GGT1: variants seen among roughly 807,000 people sequenced by gnomAD.
The protein encoded by GGT1 is glutathione hydrolase 1 proenzyme.
Under a neutral mutation model 56.0 loss-of-function variants are expected in GGT1, and 21 were observed. The ratio of observed to expected loss-of-function variants is 0.38; its 90% CI spans 0.27 to 0.54. The LOEUF (loss-of-function observed/expected upper bound fraction) is 0.54. Ranked by LOEUF, GGT1 falls within the 20% of genes least tolerant of loss-of-function variation. The pLI, the probability that GGT1 is intolerant of heterozygous loss-of-function variation, is 0.82. For missense variants in GGT1, 466 were observed against 787.0 expected (o/e 0.59, Z 4.88); for synonymous variants, 238 against 342.6 (o/e 0.69, Z 3.37).
upstream of GGT1, among the ~76,000 whole-genome samples, chr22:24,601,382 G>C (rs974341829): frequency 3.3e-5 from 5 of 152,090 alleles, no homozygotes; most frequent in African/African-American, 1.2e-4. Context: ...CCTGTCAGTG[G>C]GGGTGGGGCT....
upstream of GGT1, chr22:24,592,431 A>AG (rs1253357211): frequency 2.1e-6 from 1 of 469,958 alleles, no homozygotes; most frequent in Non-Finnish European, 4.4e-6. Flanking sequence ...ATCCTGGAGG[A>AG]GGGGGAAGTT....
At chr22:24,626,373 A>C in intron 11 of GGT1, among the ~76,000 whole-genome samples, 3 of 99,534 alleles carry the variant, frequency 3.0e-5, no homozygotes, top group Admixed American at 1.1e-4. Flanking sequence ...CTCCTCCTTG[A>C]CCTCCTCATC....
chr22:24,593,883 T>C (rs545809323), upstream of GGT1, among the ~76,000 whole-genome samples: 19 of 152,278 alleles, frequency 1.2e-4, no homozygotes, highest in Admixed American at 1.1e-3. Context: ...CTGGCAAATA[T>C]TTACTGCCTC....
At chr22:24,609,720 C>T in intron 2 of GGT1, 1 of 301,086 alleles carries the variant, frequency 3.3e-6, no homozygotes, top group Non-Finnish European at 7.1e-6. Context: ...TCTGTCACCA[C>T]ATCCCTCTTC....
intron 11 of GGT1, among the ~76,000 whole-genome samples, chr22:24,625,337 G>A (rs1016466669): frequency 6.6e-6 from 1 of 152,048 alleles, no homozygotes; most frequent in African/African-American, 2.4e-5. Context: ...GCAGTGGTGT[G>A]ATCTTGGCTC....
chr22:24,593,036 C>G (rs1056343972), upstream of GGT1: 14 of 1,048,500 alleles, frequency 1.3e-5, no homozygotes, highest in African/African-American at 1.7e-5. Flanking sequence ...AGCCGCGCCC[C>G]CATGGCCGCC....
upstream of GGT1, among the ~76,000 whole-genome samples, chr22:24,598,441 G>A (rs1325692175): frequency 1.2e-4 from 11 of 93,212 alleles, no homozygotes; most frequent in East Asian, 8.7e-4. Context: ...CTGAGACTCC[G>A]TCTCAAAAAA....
chr22:24,585,171 C>T, the GGT1 span, among the ~76,000 whole-genome samples: 1 of 152,172 alleles, frequency 6.6e-6, no homozygotes, highest in Non-Finnish European at 1.5e-5. Flanking sequence ...GGGTGGCAAG[C>T]AGCACTGTAC....
At chr22:24,611,837 C>T (rs202048266) in intron 5 of GGT1, among the ~76,000 whole-genome samples, 2 of 146,432 alleles carry the variant, frequency 1.4e-5, no homozygotes, top group Non-Finnish European at 3.0e-5. Context: ...GACAGAGTAT[C>T]GCTCTGTTAC....
At chr22:24,600,853 C>A (rs2045770017), upstream of GGT1, among the ~76,000 whole-genome samples, 4 of 152,190 alleles carry the variant, frequency 2.6e-5, no homozygotes, top group South Asian at 8.3e-4. Flanking sequence ...GCAGGTGTTA[C>A]AAAGAGGCAA....
Position 24,605,767 on chromosome 22 carries a change from T to A in GGT1, c.-428-2187T>A, listed in dbSNP as rs1162615011. Among the ~76,000 whole-genome samples the A allele has an allele frequency of 2.8e-5, 2 of 72,438 alleles. 1 individual carries two copies. Among genetic ancestry groups the A allele is most frequent in the East Asian group, 7.1e-4 (2 of 2,806 alleles). 47.5% of individuals were successfully genotyped at this position (72,438 alleles called of 152,430 possible). On this transcript the variant is annotated intron_variant, in intron 1 of 15. Transcript: ENST00000400382. ...ATGTGTATTATATATTATATAATATTATATAATGTGTATTATATATTATAT... is the reference window on the plus strand; with the variant it reads ...ATGTGTATTATATATTATATAATATAATATAATGTGTATTATATATTATAT...
At chr22:24,594,036 T>C (rs2147182945), upstream of GGT1, among the ~76,000 whole-genome samples, 1 of 152,264 alleles carries the variant, frequency 6.6e-6, no homozygotes, top group East Asian at 1.9e-4. Context: ...TCAGTCTGCC[T>C]CCCTGACAAG....
In GGT1 at chr22:24,611,235, A is replaced by C. The variant is rs2330838; in HGVS notation, c.154A>C (p.Lys52Gln). Residue 52 changes from lysine to glutamine, a missense_variant, in exon 5 of 16, where the codon AAG becomes CAG. By Grantham distance (53) the Lys-to-Gln change is moderately conservative. Around this residue, in one of 2 missense-constraint regions of GGT1, gnomAD observed 456 missense variants for 716.7 expected, o/e 0.64. Coordinates refer to ENST00000400382, the MANE Select transcript of GGT1 (RefSeq NM_001288833.2). ...GGCCGCGGATGCCAAGCAGTGCTCGAAGATTGGGAGGTGAGCAGGGCAGGG... is the reference window on the plus strand; with the variant it reads ...GGCCGCGGATGCCAAGCAGTGCTCGCAGATTGGGAGGTGAGCAGGGCAGGG... ...AVAADAKQCS[K>Q]IGRDALRDGG... 8 of 1,542,930 alleles carry C rather than the reference A, an allele frequency of 5.2e-6. No homozygotes were observed. The East Asian group carries it at 1.2e-4, about 23-fold the overall frequency.
chr22:24,585,411 G>A, the GGT1 span, among the ~76,000 whole-genome samples: 1 of 152,220 alleles, frequency 6.6e-6, no homozygotes, highest in African/African-American at 2.4e-5. Context: ...CCAGATGTGA[G>A]GGCCCGCTCC....
At chr22:24,612,467 C>A (rs181265420) in intron 5 of GGT1, among the ~76,000 whole-genome samples, 226 of 133,082 alleles carry the variant, frequency 1.7e-3, no homozygotes, top group African/African-American at 6.2e-3. Context: ...CCCCCTCCCC[C>A]CAAGGAACAC....
chr22:24,596,986 ATT>A (rs199837761), intron 1 of GGT1, among the ~76,000 whole-genome samples: 1,533 of 129,854 alleles, frequency 0.012, 26 homozygotes, highest in African/African-American at 0.041. Context: ...TTTAATTTTA[ATT>A]TTTTTTTTTT....
chr22:24,588,517 G>A, the GGT1 span: 1 of 756,964 alleles, frequency 1.3e-6, no homozygotes, highest in Non-Finnish European at 2.1e-6. Flanking sequence ...AGAGCCAGGG[G>A]AGGCTGCCCT....
In GGT1 at chr22:24,621,091, GC is replaced by G. The variant is rs751604434; in HGVS notation, c.733+23del. 1.9e-6 allele frequency: 3 copies of G among 1,557,532 alleles called. No homozygotes were observed. In the Admixed American group the frequency reaches 5.8e-5, roughly 30 times the overall value. ...GGCCGGTGAGTGGGTAACCTCAGGGGCCTGGGTGAGGAACTCTGCAGTGGAA... is the reference window on the plus strand; with the variant it reads ...GGCCGGTGAGTGGGTAACCTCAGGGGCTGGGTGAGGAACTCTGCAGTGGAA... On this transcript the variant is annotated intron_variant, in intron 9 of 15. Transcript: ENST00000400382.
chr22:24,590,704 T>G (rs930260934), upstream of GGT1, among the ~76,000 whole-genome samples: 39 of 152,170 alleles, frequency 2.6e-4, no homozygotes, highest in African/African-American at 8.2e-4. Flanking sequence ...AGCATCTGTT[T>G]GCGGACAGGT....
Sources: gnomAD v4.1 joint callset for allele counts (sites outside exome capture counted in the v4.1 genomes callset) on GRCh38, gnomAD v4.1.1 for gene constraint, gnomAD v4.1.1 regional missense constraint, MANE v1.5 for transcripts, NCBI Gene and HGNC (gene_info 2026-07-23, HGNC 2026-07-21) for gene names.